NOP2: variants seen among roughly 807,000 people sequenced by gnomAD.
The protein encoded by NOP2 is 28S rRNA (cytosine(4447)-C(5))-methyltransferase.
In NOP2, 7 loss-of-function variants were observed where a neutral mutation model predicts 72.7. The observed-to-expected ratio is 0.10, with a 90% CI of 0.05 to 0.18. The LOEUF (loss-of-function observed/expected upper bound fraction) is 0.18, where lower values mean the gene tolerates loss of function less well. Among genes scored for constraint, NOP2 ranks in the 10% least tolerant of loss-of-function variants. The pLI is 1.00. For missense variants in NOP2, 954 were observed against 1,014.7 expected (o/e 0.94, Z 0.81); for synonymous variants, 387 against 388.0 (o/e 1.00, Z 0.03).
chr12:6,563,845 C>T (rs1947711262), intron 6 of NOP2, 46 bp downstream of exon 6: 10 of 1,613,404 alleles, frequency 6.2e-6, no homozygotes, highest in East Asian at 2.2e-5. Flanking sequence ...AGCTTCCCCA[C>T]CCCAGTGGCT....
intron 1 of NOP2, 126 bp from the exon 2 acceptor site, chr12:6,568,048 C>G: frequency 1.5e-6 from 1 of 672,182 alleles, no homozygotes; most frequent in Non-Finnish European, 2.5e-6. Flanking sequence ...TCACTCAGCA[C>G]TCCCGACTCA....
chr12:6,558,044 G>A (rs994118644), intron 15 of NOP2: 1 of 350,362 alleles, frequency 2.9e-6, no homozygotes, highest in Non-Finnish European at 5.4e-6. Flanking sequence ...GGGAGTCTGA[G>A]GCACAAGAAT....
chr12:6,563,238 G>C (rs1173532871), intron 8 of NOP2, 68 bp from the exon 9 acceptor site: 2 of 1,548,526 alleles, frequency 1.3e-6, no homozygotes, highest in Non-Finnish European at 1.7e-6. Flanking sequence ...GGGGAGCAAG[G>C]GGGCCGAACA....
chr12:6,567,374 C>T, intron 2 of NOP2: 2 of 190,436 alleles, frequency 1.1e-5, no homozygotes, highest in South Asian at 1.8e-4. Context: ...TTACCTCCCA[C>T]CAGTCTTCCA....
intron 15 of NOP2, among the ~76,000 whole-genome samples, chr12:6,559,463 C>T (rs944884075): frequency 5.3e-5 from 8 of 152,040 alleles, no homozygotes; most frequent in African/African-American, 1.9e-4. Flanking sequence ...AGGGTTTCAC[C>T]GTGTCGAATT....
chr12:6,561,645 C>A lies in NOP2; in HGVS notation c.1207+19G>T. 6.2e-7 allele frequency: 1 copy of A among 1,610,544 alleles called. No individual in the cohort carries two copies. Among genetic ancestry groups the A allele is most frequent in the Non-Finnish European group, 8.5e-7 (1 of 1,177,412 alleles). The stretch of plus-strand genomic sequence containing the variant: ...AGCAAGACAGCCCGATGAATCCCAC[C>A]TGCCTGCCCCTCTCATACCCATGTA... On this transcript the variant is annotated intron_variant, in intron 11 of 15. Transcript: ENST00000322166.
At position 6,566,767 on chromosome 12, in the gene NOP2, C is replaced by T. The variant is rs1211235294; in HGVS notation, c.149+10G>A. 3 of 1,613,014 alleles carry T rather than the reference C, an allele frequency of 1.9e-6. No individual in the cohort carries two copies. The highest frequency in any genetic ancestry group is 2.5e-6 in the Non-Finnish European group (3 of 1,179,402). The stretch of plus-strand genomic sequence containing the variant: ...ATTTAACCTACTTAAGTTTTGACAC[C>T]CACACTTACCTCTTTCGAGCACGAC... On this transcript the variant is annotated intron_variant, in intron 3 of 15. Transcript: ENST00000322166.
Position 6,561,040 on chromosome 12 carries a change from A to T in NOP2, c.1238T>A (p.Leu413His). The stretch of plus-strand genomic sequence containing the variant: ...CCGCTCAGCATTGGCGTCATTGGCA[A>T]GGATCACACCCGTGTTCTTCATCAG... ...AQLMKNTGVI[L>H]ANDANAERLK... Residue 413 changes from leucine (L) to histidine (H), a missense_variant, in exon 12 of 16, where the codon CTT becomes CAT. This residue lies in a region of NOP2 where 187 missense variants were observed against 276.2 expected (regional missense o/e 0.68). Transcript: ENST00000322166. 1 of 1,614,046 alleles carries T rather than the reference A, an allele frequency of 6.2e-7. No homozygotes were observed. Among genetic ancestry groups the T allele is most frequent in the Non-Finnish European group, 8.5e-7 (1 of 1,179,896 alleles).
chr12:6,558,560 C>T (rs1947565986), intron 15 of NOP2, among the ~76,000 whole-genome samples: 3 of 151,840 alleles, frequency 2.0e-5, no homozygotes, highest in South Asian at 4.1e-4. Context: ...CCACCACGCC[C>T]GGCCTCGCAG....
chr12:6,558,934 T>A (rs1483891830), intron 15 of NOP2, among the ~76,000 whole-genome samples: 1 of 152,206 alleles, frequency 6.6e-6, no homozygotes, highest in Admixed American at 6.5e-5. Context: ...AATTAAAATA[T>A]GTACTTTTTA....
chr12:6,557,042 T>C lies in NOP2; in HGVS notation c.2390A>G (p.Lys797Arg). 6.2e-7 allele frequency: 1 copy of C among 1,613,982 alleles called. No homozygotes were observed. Among genetic ancestry groups the C allele is most frequent in the African/African-American group, 1.3e-5 (1 of 75,050 alleles). Residue 797 changes from lysine to arginine, a missense_variant, in exon 16 of 16, where the codon AAG becomes AGG. Around this residue, in one of 3 missense-constraint regions of NOP2, gnomAD observed 269 missense variants for 260.2 expected, o/e 1.03. Coordinates refer to ENST00000322166, the MANE Select transcript of NOP2 (RefSeq NM_001258308.2). ...PIRSSRPPPAKRKKSQSRGNS... is the reference protein window; with the variant it reads ...PIRSSRPPPARRKKSQSRGNS... ...GCCCCTGGACTGAGATTTCTTCCTCTTTGCTGGTGGGGGGCGGCTGGAACG... is the reference window on the plus strand; with the variant it reads ...GCCCCTGGACTGAGATTTCTTCCTCCTTGCTGGTGGGGGGCGGCTGGAACG...
intron 5 of NOP2, 196 bp from the exon 6 acceptor site, chr12:6,564,142 G>A (rs774932273): frequency 1.4e-6 from 2 of 1,460,956 alleles, no homozygotes; most frequent in South Asian, 1.2e-5. Context: ...GGGCATGGTG[G>A]CACACACCTG....
chr12:6,565,047 C>A (rs191484398), intron 5 of NOP2, among the ~76,000 whole-genome samples: 1 of 152,122 alleles, frequency 6.6e-6, no homozygotes. Context: ...AATAATACAT[C>A]CACACACTAA....
In NOP2 at chr12:6,560,520, A is replaced by C; in HGVS notation, c.1487T>G (p.Leu496Arg). ...CGCATTGACAGAGTCAATAGCACTC[A>C]GGAGCAACTCCTTCTGGAGGTGAGC... ...RCAHLQKELL[L>R]SAIDSVNATS... Residue 496 changes from leucine to arginine, a missense_variant, in exon 14 of 16, where the codon CTG becomes CGG. Around this residue, in one of 3 missense-constraint regions of NOP2, gnomAD observed 187 missense variants for 276.2 expected, o/e 0.68. Transcript: ENST00000322166. The surrounding 1 kb of genome is among the most constrained non-coding windows in gnomAD (Gnocchi z 5.0). 6.2e-7 allele frequency: 1 copy of C among 1,605,304 alleles called. No individual in the cohort carries two copies. The highest frequency in any genetic ancestry group is 8.5e-7 in the Non-Finnish European group (1 of 1,174,872).
At chr12:6,559,376 C>T (rs938599286) in intron 15 of NOP2, among the ~76,000 whole-genome samples, 4 of 152,212 alleles carry the variant, frequency 2.6e-5, no homozygotes, top group African/African-American at 9.6e-5. Context: ...GTCTTGGCCT[C>T]CCAAAGTGCT....
intron 15 of NOP2, among the ~76,000 whole-genome samples, chr12:6,558,566 C>T (rs1002693422): frequency 5.3e-5 from 8 of 151,444 alleles, no homozygotes; most frequent in Non-Finnish European, 1.2e-4. Context: ...CGCCCGGCCT[C>T]GCAGGGTCTT....
intron 15 of NOP2, among the ~76,000 whole-genome samples, chr12:6,557,863 C>A (rs1278007922): frequency 2.6e-5 from 4 of 152,090 alleles, no homozygotes; most frequent in African/African-American, 9.7e-5. Context: ...TGCCTATAGG[C>A]CAGGCGTGGT....
In NOP2 at chr12:6,560,868, G is replaced by T. The variant is rs1242368121; in HGVS notation, c.1347+63C>A. 6.2e-7 allele frequency: 1 copy of T among 1,610,806 alleles called. No homozygotes were observed. The highest frequency in any genetic ancestry group is 1.3e-5 in the African/African-American group (1 of 74,812). ...TTTACTAGGGTCGAGTCTAAACATT[G>T]AGGTCAGGAAGGGAGAAGGTCAACC... On this transcript the variant is annotated intron_variant, in intron 12 of 15. Coordinates refer to ENST00000322166, the MANE Select transcript of NOP2 (RefSeq NM_001258308.2). This position sits in a 1 kb window ranked among gnomAD's most constrained non-coding sequence, Gnocchi z 5.0.
At chr12:6,557,951 T>A (rs1478647305) in intron 15 of NOP2, 3 of 380,328 alleles carry the variant, frequency 7.9e-6, no homozygotes, top group Non-Finnish European at 1.5e-5. Flanking sequence ...AAGACCAGCC[T>A]AGCCCACATG....
Sources: gnomAD v4.1 joint callset for allele counts (sites outside exome capture counted in the v4.1 genomes callset) on GRCh38, gnomAD v4.1.1 for gene constraint, gnomAD v4.1.1 regional missense constraint, Gnocchi (gnomAD v3.1) non-coding constraint, MANE v1.5 for transcripts, NCBI Gene and HGNC (gene_info 2026-07-23, HGNC 2026-07-21) for gene names.